SLC10A7: variants seen among roughly 807,000 people sequenced by gnomAD.
SLC10A7 encodes the protein sodium/bile acid cotransporter 7.
Under a neutral mutation model 43.2 loss-of-function variants are expected in SLC10A7, and 29 were observed. The observed-to-expected ratio is 0.67, with a 90% CI of 0.50 to 0.92. SLC10A7 has a LOEUF of 0.92. Among genes scored for constraint, SLC10A7 ranks in the 40% least tolerant of loss-of-function variants. The pLI is 0.00. For missense variants in SLC10A7, 295 were observed against 403.2 expected, an observed-to-expected ratio of 0.73 and a Z score of 2.30; for synonymous variants, 152 against 144.8, an observed-to-expected ratio of 1.05 and a Z score of -0.35.
intron 4 of SLC10A7, among the ~76,000 whole-genome samples, chr4:146,491,284 C>T (rs918290419): frequency 6.6e-6 from 1 of 152,034 alleles, no homozygotes; most frequent in Admixed American, 6.6e-5. Flanking sequence ...GCCTGAAGAC[C>T]AATAACAAAA....
chr4:146,460,571 C>T (rs1016760193), intron 4 of SLC10A7, among the ~76,000 whole-genome samples: 14 of 151,876 alleles, frequency 9.2e-5, no homozygotes, highest in South Asian at 2.1e-4. Context: ...GTAAAAGCAG[C>T]CAAACACAAG....
At chr4:146,312,986 T>C (rs1732081543) in intron 6 of SLC10A7, among the ~76,000 whole-genome samples, 1 of 152,146 alleles carries the variant, frequency 6.6e-6, no homozygotes, top group Admixed American at 6.5e-5. Context: ...CTTTGCTCCC[T>C]AATTTTTGAC....
chr4:146,518,361 T>A (rs553109800), intron 1 of SLC10A7, among the ~76,000 whole-genome samples: 35 of 152,270 alleles, frequency 2.3e-4, no homozygotes, highest in African/African-American at 8.2e-4. Flanking sequence ...TAACATCTAG[T>A]GGGTAGAGAT....
intron 4 of SLC10A7, among the ~76,000 whole-genome samples, chr4:146,483,885 G>A (rs1294039008): frequency 6.6e-6 from 1 of 151,946 alleles, no homozygotes; most frequent in Non-Finnish European, 1.5e-5. Context: ...AGAAAAAGAA[G>A]GTTTTTATTA....
At chr4:146,302,446 C>T (rs777171915) in intron 7 of SLC10A7, among the ~76,000 whole-genome samples, 3 of 152,070 alleles carry the variant, frequency 2.0e-5, no homozygotes, top group Non-Finnish European at 2.9e-5. Context: ...AGCTGACAGT[C>T]GAATGGCAGA....
rs1235516359 is a variant in SLC10A7 at position 146,255,653 on chromosome 4, T to A, written c.*838A>T. On this transcript the variant is annotated 3_prime_UTR_variant, in exon 12 of 12. Transcript: ENST00000335472. ...GTGGAATGTGAATAGAATCTACCAT[T>A]AATTGATGCTGCTTTCAAACTGATT... 1 of 152,252 alleles carries A rather than the reference T, an allele frequency of 6.6e-6. No homozygotes were observed. The highest frequency in any genetic ancestry group is 1.5e-5 in the Non-Finnish European group (1 of 68,034). 9.4% of individuals were successfully genotyped at this position (152,252 alleles called of 1,614,324 possible). A position where few individuals can be genotyped will look rare whatever the true frequency, so the allele number is the denominator to read the frequency against.
intron 6 of SLC10A7, among the ~76,000 whole-genome samples, chr4:146,320,059 C>A (rs1274182992): frequency 1.3e-5 from 2 of 151,900 alleles, no homozygotes; most frequent in Non-Finnish European, 2.9e-5. Context: ...AAAAGAGGCA[C>A]TGGAGATTTG....
chr4:146,471,420 A>G (rs1344684244), intron 4 of SLC10A7, among the ~76,000 whole-genome samples: 1 of 152,108 alleles, frequency 6.6e-6, no homozygotes, highest in Non-Finnish European at 1.5e-5. Flanking sequence ...TTAGAAACAC[A>G]CCCTCGCATT....
At chr4:146,429,247 C>T (rs1729596151) in intron 5 of SLC10A7, among the ~76,000 whole-genome samples, 1 of 151,916 alleles carries the variant, frequency 6.6e-6, no homozygotes, top group South Asian at 2.1e-4. Flanking sequence ...AAACAGATGA[C>T]AAAAAGATGG....
In SLC10A7 at chr4:146,284,433, G is replaced by C. The variant is rs1451592510; in HGVS notation, c.774-1168C>G. On this transcript the variant is annotated intron_variant, in intron 9 of 11. Transcript: ENST00000335472. ...TTCTTGTTGTATACCCACAGGAGGA[G>C]AGAAGAGTCCCCTCAACTCCCCGCC... 4.6e-5 allele frequency among the ~76,000 whole-genome samples: 7 copies of C among 152,214 alleles called. 1 individual carries two copies. The highest frequency in any genetic ancestry group is 3.3e-4 in the Admixed American group (5 of 15,268).
chr4:146,340,176 C>A (rs1265941483), intron 5 of SLC10A7, among the ~76,000 whole-genome samples: 2 of 151,812 alleles, frequency 1.3e-5, no homozygotes, highest in East Asian at 3.9e-4. Flanking sequence ...TCTTAACAAC[C>A]TAGAGATGCA....
At chr4:146,497,594 TCTTC>T (rs1312342799) in intron 4 of SLC10A7, among the ~76,000 whole-genome samples, 1 of 152,194 alleles carries the variant, frequency 6.6e-6, no homozygotes, top group Admixed American at 6.5e-5. Flanking sequence ...TTCGCTGAAT[TCTTC>T]CTTTTCTCAG....
At chr4:146,489,769 C>A (rs1235221814) in intron 4 of SLC10A7, among the ~76,000 whole-genome samples, 1 of 152,144 alleles carries the variant, frequency 6.6e-6, no homozygotes, top group Non-Finnish European at 1.5e-5. Flanking sequence ...CTTTGTAAAA[C>A]CTGAGACAGG....
intron 7 of SLC10A7, among the ~76,000 whole-genome samples, chr4:146,301,498 T>C (rs182428411): frequency 6.6e-6 from 1 of 152,038 alleles, no homozygotes; most frequent in East Asian, 1.9e-4. Context: ...ATAATATGAA[T>C]TGATTTGTGT....
chr4:146,497,927 A>G (rs1324291320), intron 4 of SLC10A7, among the ~76,000 whole-genome samples: 1 of 152,110 alleles, frequency 6.6e-6, no homozygotes, highest in Non-Finnish European at 1.5e-5. Context: ...GGGAAAAAAA[A>G]AATCAAAAAA....
At chr4:146,256,823 T>C in intron 11 of SLC10A7, 3 of 1,530,040 alleles carry the variant, frequency 2.0e-6, no homozygotes, top group Non-Finnish European at 2.6e-6. Flanking sequence ...CACTCATGGA[T>C]ACCTGGAGGA....
chr4:146,507,378 G>A (rs1737013846), intron 3 of SLC10A7, among the ~76,000 whole-genome samples: 1 of 152,136 alleles, frequency 6.6e-6, no homozygotes, highest in African/African-American at 2.4e-5. Context: ...TGGCCAACAT[G>A]GTGAAACCCT....
At chr4:146,259,198 G>A (rs1728066543) in intron 10 of SLC10A7, among the ~76,000 whole-genome samples, 1 of 152,158 alleles carries the variant, frequency 6.6e-6, no homozygotes, top group Non-Finnish European at 1.5e-5. Flanking sequence ...ATCTCTTCTT[G>A]CTTAGTAGTG....
chr4:146,450,538 A>G (rs1731491806), intron 4 of SLC10A7, among the ~76,000 whole-genome samples: 2 of 152,196 alleles, frequency 1.3e-5, no homozygotes, highest in African/African-American at 4.8e-5. Flanking sequence ...ACTCATGCCC[A>G]TGAAGAAATG....
Sources: gnomAD v4.1 joint callset for allele counts (sites outside exome capture counted in the v4.1 genomes callset) on GRCh38, gnomAD v4.1.1 for gene constraint, MANE v1.5 for transcripts, NCBI Gene and HGNC (gene_info 2026-07-23, HGNC 2026-07-21) for gene names.